Variants in SP4 observed in about 807,000 individuals in gnomAD.
The protein encoded by SP4 is transcription factor Sp4.
Under a neutral mutation model 72.8 loss-of-function variants are expected in SP4, and 19 were observed. That is an observed-to-expected ratio of 0.26 (90% CI 0.18 to 0.38). The LOEUF is 0.38. SP4 is among the 10% of genes least tolerant of loss of function. SP4 has a pLI of 1.00. For missense variants in SP4, 1,008 were observed against 926.3 expected (o/e 1.09, Z -1.14); for synonymous variants, 395 against 333.1 (o/e 1.19, Z -2.02).
At chr7:21,446,044 GTAGA>G (rs1489517200) in intron 3 of SP4, among the ~76,000 whole-genome samples, 3 of 117,372 alleles carry the variant, frequency 2.6e-5, no homozygotes, top group African/African-American at 6.7e-5. Context: ...GCATATGTAG[GTAGA>G]TATATATGTG....
At chr7:21,428,454 G>C (rs533612735) in intron 1 of SP4, among the ~76,000 whole-genome samples, 196 bp downstream of exon 1, 1 of 152,238 alleles carries the variant, frequency 6.6e-6, no homozygotes, top group South Asian at 2.1e-4. Context: ...ACCTCCTTCT[G>C]GGTGTTGCTC....
At chr7:21,455,596 A>T (rs150055905) in intron 3 of SP4, among the ~76,000 whole-genome samples, 12 of 152,282 alleles carry the variant, frequency 7.9e-5, no homozygotes, top group African/African-American at 2.2e-4. Context: ...TCTTGTCACA[A>T]TTACCCATTT....
intron 5 of SP4, among the ~76,000 whole-genome samples, chr7:21,495,407 A>T (rs1344973400): frequency 6.6e-6 from 1 of 151,854 alleles, no homozygotes; most frequent in Admixed American, 6.6e-5. Context: ...AACAAATTTA[A>T]CAGTTTTTTT....
At position 21,460,509 on chromosome 7, in the gene SP4, C is replaced by T. The variant is rs182744417; in HGVS notation, c.1679-16570C>T. On this transcript the variant is annotated intron_variant, in intron 3 of 5. Coordinates refer to ENST00000222584, the MANE Select transcript of SP4 (RefSeq NM_003112.5). The stretch of plus-strand genomic sequence containing the variant: ...GAGTGAGCAGCAGCAAGATTTATTG[C>T]GAAGAGCAAAAGAACAAAGCTTCCA... Among the ~76,000 whole-genome samples, 394 of 152,230 alleles carry T rather than the reference C, an allele frequency of 2.6e-3. 4 individuals carry two copies. The highest frequency in any genetic ancestry group is 7.1e-4 in the Non-Finnish European group (48 of 68,026).
intron 3 of SP4, among the ~76,000 whole-genome samples, chr7:21,463,853 T>A (rs1784078129): frequency 6.6e-6 from 1 of 152,202 alleles, no homozygotes. Flanking sequence ...ATTTATTTGA[T>A]CTTTATCAAT....
At position 21,433,720 on chromosome 7, in the gene SP4, C is replaced by T. The variant is rs139454088; in HGVS notation, c.1678+2877C>T. On this transcript the variant is annotated intron_variant, in intron 3 of 5. Coordinates refer to ENST00000222584, the MANE Select transcript of SP4 (RefSeq NM_003112.5). ...CTTTGGGAGGTCAAGGCAGGTGGAT[C>T]ACCTGAGGTTGGGAGTTCGACACCA... Among the ~76,000 whole-genome samples, 230 of 152,274 alleles carry T rather than the reference C, an allele frequency of 1.5e-3. 2 individuals carry two copies. The East Asian group carries it at 0.032, about 21-fold the overall frequency.
intron 3 of SP4, among the ~76,000 whole-genome samples, chr7:21,444,883 T>G (rs1186363913): frequency 6.6e-6 from 1 of 152,188 alleles, no homozygotes; most frequent in Non-Finnish European, 1.5e-5. Context: ...CTACTTTAAG[T>G]ATTTTATTGT....
chr7:21,480,270 A>G (rs1268381995), intron 4 of SP4, among the ~76,000 whole-genome samples: 3 of 152,304 alleles, frequency 2.0e-5, no homozygotes, highest in East Asian at 3.9e-4. Context: ...TACTGGCTTC[A>G]TAGAATGAAT....
chr7:21,448,293 T>C lies in SP4; in HGVS notation c.1678+17450T>C, dbSNP rs1783487602. ...TTTTAAAAAAGAAAATTGTGCTTTC[T>C]AGTACCACTGGCAAGTACTCTTAGT... On this transcript the variant is annotated intron_variant, in intron 3 of 5. Coordinates refer to ENST00000222584, the MANE Select transcript of SP4 (RefSeq NM_003112.5). 3.3e-5 allele frequency among the ~76,000 whole-genome samples: 5 copies of C among 152,366 alleles called. No individual in the cohort carries two copies. In the South Asian group the frequency reaches 1.0e-3, roughly 32 times the overall value.
chr7:21,479,000 G>C (rs944914682), intron 4 of SP4, among the ~76,000 whole-genome samples: 1 of 151,644 alleles, frequency 6.6e-6, no homozygotes, highest in African/African-American at 2.4e-5. Flanking sequence ...CCCAGGAGGC[G>C]GAGGTTGCAG....
rs555604881 is a variant in SP4 at position 21,512,195 on chromosome 7, T to G, written c.*926T>G. The G allele has an allele frequency of 2.6e-5, 4 of 152,744 alleles. No homozygotes were observed. Among genetic ancestry groups the G allele is most frequent in the South Asian group, 4.1e-4 (2 of 4,832 alleles). 9.5% of individuals were successfully genotyped at this position (152,744 alleles called of 1,614,324 possible). A position where few individuals can be genotyped will look rare whatever the true frequency, so the allele number is the denominator to read the frequency against. On this transcript the variant is annotated 3_prime_UTR_variant, in exon 6 of 6. Coordinates refer to ENST00000222584, the MANE Select transcript of SP4 (RefSeq NM_003112.5). ...AGTTTCATATTTTGTAAATATGAGTTATGTTGACAATGTGCAGAATTCTTT... is the reference window on the plus strand; with the variant it reads ...AGTTTCATATTTTGTAAATATGAGTGATGTTGACAATGTGCAGAATTCTTT...
At position 21,430,420 on chromosome 7, in the gene SP4, G is replaced by C; in HGVS notation, c.1255G>C (p.Ala419Pro). 1 of 1,614,184 alleles carries C rather than the reference G, an allele frequency of 6.2e-7. No homozygotes were observed. Among genetic ancestry groups the C allele is most frequent in the African/African-American group, 1.3e-5 (1 of 75,028 alleles). ...ACAGCCTCAGCAACAGATCATTCAG[G>C]CTATTCCACCACAGTCGTTTCAACT... ...IQQPQQQIIQAIPPQSFQLQS... is the reference protein window; with the variant it reads ...IQQPQQQIIQPIPPQSFQLQS... The change falls in exon 3 of 6, where the codon GCT becomes CCT. Residue 419 changes from alanine (A) to proline (P), a missense_variant. Physicochemically the swap from Ala to Pro is conservative, Grantham distance 27. Coordinates refer to ENST00000222584, the MANE Select transcript of SP4 (RefSeq NM_003112.5).
chr7:21,429,532 A>G lies in SP4; in HGVS notation c.367A>G (p.Ser123Gly), dbSNP rs755440688. ...GAATAACGTTTCTCAACCAGCCTCTAGTTCGTCTAGTTCTTCCAGCAGTAA... is the reference window on the plus strand; with the variant it reads ...GAATAACGTTTCTCAACCAGCCTCTGGTTCGTCTAGTTCTTCCAGCAGTAA... ...KENNVSQPAS[S>G]SSSSSSSNNG... The change falls in exon 3 of 6, where the codon AGT (serine) becomes GGT (glycine). Residue 123 changes from serine to glycine, a missense_variant. Ser to Gly is a moderately conservative substitution (Grantham distance 56). Coordinates refer to ENST00000222584, the MANE Select transcript of SP4 (RefSeq NM_003112.5). 2.7e-5 allele frequency: 43 copies of G among 1,613,874 alleles called. No homozygotes were observed. The highest frequency in any genetic ancestry group is 3.5e-5 in the Non-Finnish European group (41 of 1,179,876).
chr7:21,500,757 T>C (rs1260527489), intron 5 of SP4, among the ~76,000 whole-genome samples: 1 of 152,182 alleles, frequency 6.6e-6, no homozygotes, highest in Non-Finnish European at 1.5e-5. Context: ...TAAAGAAAGC[T>C]CTTCGCTTTT....
rs2128409500 is a variant in SP4 at position 21,477,150 on chromosome 7, G to A, written c.1750G>A (p.Gly584Arg). Reference sequence around the variant, plus strand: ...AGCTCCTGTAACTGTAGCAGTTGGAGGAATTGCTAATGCCACGATAGGTGC... The same window carrying A: ...AGCTCCTGTAACTGTAGCAGTTGGAAGAATTGCTAATGCCACGATAGGTGC... The part of the protein sequence containing the change: ...TIAPVTVAVG[G>R]IANATIGAVS... Residue 584 changes from glycine (G) to arginine (R), a missense_variant, in exon 4 of 6, where the codon GGA (glycine) becomes AGA (arginine). Gly to Arg is a moderately radical substitution (Grantham distance 125). This residue lies in a region of SP4 where 893 missense variants were observed against 743.3 expected (regional missense o/e 1.20). Transcript: ENST00000222584. 6.2e-7 allele frequency: 1 copy of A among 1,614,132 alleles called. No homozygotes were observed.
intron 3 of SP4, among the ~76,000 whole-genome samples, chr7:21,465,932 C>T (rs1784154727): frequency 6.6e-6 from 1 of 152,102 alleles, no homozygotes. Flanking sequence ...GCCCCCTCAC[C>T]TCCTTGAACT....
rs1431536810 is a variant in SP4 at position 21,511,049 on chromosome 7, G to A, written c.2135G>A (p.Cys712Tyr). Residue 712 changes from cysteine (C) to tyrosine (Y), a missense_variant, in exon 6 of 6, where the codon TGT (cysteine) becomes TAT (tyrosine). Cys to Tyr is a radical substitution (Grantham distance 194). Transcript: ENST00000222584. ...TGEKRFECPECSKRFMRSDHL... is the reference protein window; with the variant it reads ...TGEKRFECPEYSKRFMRSDHL... ...GAAAAGAGATTTGAATGCCCGGAAT[G>A]TTCTAAAAGGTTTATGCGGAGTGAT... 1 of 1,612,130 alleles carries A rather than the reference G, an allele frequency of 6.2e-7. No individual in the cohort carries two copies. The highest frequency in any genetic ancestry group is 1.3e-5 in the African/African-American group (1 of 74,878).
intron 2 of SP4, 182 bp downstream of exon 2, chr7:21,428,974 T>C: frequency 3.3e-6 from 2 of 605,106 alleles, no homozygotes; most frequent in Non-Finnish European, 5.8e-6. Context: ...ATAACGCTGT[T>C]TAAAATTACA....
At chr7:21,438,630 TCTC>T (rs926937866) in intron 3 of SP4, among the ~76,000 whole-genome samples, 5 of 152,190 alleles carry the variant, frequency 3.3e-5, no homozygotes, top group Admixed American at 2.0e-4. Context: ...GGTATAGTAG[TCTC>T]CTCTTATCTG....
Sources: allele counts gnomAD v4.1 joint callset (sites outside exome capture counted in the v4.1 genomes callset), GRCh38; gene constraint gnomAD v4.1.1; regional missense constraint gnomAD v4.1.1; transcripts MANE v1.5; gene names NCBI Gene and HGNC (gene_info 2026-07-23, HGNC 2026-07-21).